ZZEF1: variants seen among roughly 807,000 people sequenced by gnomAD.
ZZEF1 encodes zinc finger ZZ-type and EF-hand domain-containing protein 1.
ZZEF1 carries 157 observed loss-of-function variants against 342.8 expected under a neutral mutation model. The ratio of observed to expected loss-of-function variants is 0.46; its 90% CI spans 0.40 to 0.52. The LOEUF (loss-of-function observed/expected upper bound fraction) is 0.52. Ranked by LOEUF, ZZEF1 falls within the 20% of genes least tolerant of loss-of-function variation. The pLI, the probability that ZZEF1 is intolerant of heterozygous loss-of-function variation, is 0.00. For missense variants in ZZEF1, 3,480 were observed against 3,725.6 expected, an observed-to-expected ratio of 0.93 and a Z score of 1.72; for synonymous variants, 1,505 against 1,429.1, an observed-to-expected ratio of 1.05 and a Z score of -1.20.
chr17:4,053,535 A>G (rs1039179282), intron 34 of ZZEF1, among the ~76,000 whole-genome samples: 3 of 152,348 alleles, frequency 2.0e-5, no homozygotes, highest in African/African-American at 7.2e-5. Context: ...ACATTCTTGT[A>G]CTGGAATAGA....
Position 4,044,266 on chromosome 17 carries a change from A to G in ZZEF1, c.6124T>C (p.Ser2042Pro), listed in dbSNP as rs753771869. ...SKDPSCQTQI[S>P]DSPADASPPT... ...GGGCTAGCATCTGCAGGTGAATCTG[A>G]AATTTGGGTCTGGCATGAAGGATCC... The change falls in exon 38 of 55, where the codon TCA becomes CCA. Residue 2042 changes from serine (S) to proline (P), a missense_variant. Around this residue, in one of 5 missense-constraint regions of ZZEF1, gnomAD observed 1,269 missense variants for 1,342.4 expected, o/e 0.95. Coordinates refer to ENST00000381638, the MANE Select transcript of ZZEF1 (RefSeq NM_015113.4). 1.9e-6 allele frequency: 3 copies of G among 1,614,038 alleles called. No individual in the cohort carries two copies. In the African/African-American group the frequency reaches 4.0e-5, roughly 22 times the overall value.
At chr17:4,057,426 TCTC>T (rs1280108787) in intron 32 of ZZEF1, among the ~76,000 whole-genome samples, 1 of 152,050 alleles carries the variant, frequency 6.6e-6, no homozygotes, top group East Asian at 1.9e-4. Flanking sequence ...CCCCTCCCCT[TCTC>T]CTCTTTTCTA....
chr17:4,033,047 A>T, intron 40 of ZZEF1, 45 bp from the exon 41 acceptor site: 1 of 1,524,004 alleles, frequency 6.6e-7, no homozygotes. Context: ...AGGGCTCCAA[A>T]CTCAACTCGT....
At position 4,087,483 on chromosome 17, in the gene ZZEF1, C is replaced by T; in HGVS notation, c.2293G>A (p.Gly765Ser). The part of the protein sequence containing the change: ...LKYKSFLDFA[G>S]LDLQIFWNFY... ...TTCCAGAAGATCTGCAAATCAAGAC[C>T]CGCGAAGTCCAGAAAAGATTTATAT... Residue 765 changes from glycine (G) to serine (S), a missense_variant, in exon 14 of 55, where the codon GGT becomes AGT. Gly to Ser is a moderately conservative substitution (Grantham distance 56). Around this residue, in one of 5 missense-constraint regions of ZZEF1, gnomAD observed 1,528 missense variants for 1,624.1 expected, o/e 0.94. Coordinates refer to ENST00000381638, the MANE Select transcript of ZZEF1 (RefSeq NM_015113.4). 6.2e-7 allele frequency: 1 copy of T among 1,611,452 alleles called. No homozygotes were observed. Among genetic ancestry groups the T allele is most frequent in the Non-Finnish European group, 8.5e-7 (1 of 1,179,394 alleles).
chr17:4,086,481 C>G lies in ZZEF1; in HGVS notation c.2512+5G>C, dbSNP rs2057827385. 2 of 1,613,856 alleles carry G rather than the reference C, an allele frequency of 1.2e-6. No individual in the cohort carries two copies. Among genetic ancestry groups the G allele is most frequent in the Admixed American group, 1.7e-5 (1 of 59,966 alleles). ...TTGTATTAAAGAGAAAACCCAAATC[C>G]CTACCATCACACAAGTGTGTGTACA... On this transcript the variant is annotated splice_donor_5th_base_variant and intron_variant, in intron 15 of 54. Coordinates refer to ENST00000381638, the MANE Select transcript of ZZEF1 (RefSeq NM_015113.4).
chr17:4,121,169 A>T (rs962996134), intron 2 of ZZEF1, among the ~76,000 whole-genome samples: 1 of 152,180 alleles, frequency 6.6e-6, no homozygotes, highest in African/African-American at 2.4e-5. Context: ...GCCCAGCACA[A>T]CAGTACACTA....
intron 38 of ZZEF1, among the ~76,000 whole-genome samples, chr17:4,043,530 G>C (rs978797721): frequency 6.6e-6 from 1 of 152,168 alleles, no homozygotes; most frequent in Non-Finnish European, 1.5e-5. Context: ...GCTGGGACTT[G>C]CCTCCAGTCT....
intron 11 of ZZEF1, among the ~76,000 whole-genome samples, chr17:4,095,566 T>TA (rs1555605108): frequency 1.3e-5 from 2 of 152,152 alleles, no homozygotes; most frequent in Non-Finnish European, 2.9e-5. Context: ...CAGGCATAGA[T>TA]AGATCATTAC....
chr17:4,096,366 T>A (rs534358080), intron 10 of ZZEF1, among the ~76,000 whole-genome samples: 90 of 151,668 alleles, frequency 5.9e-4, no homozygotes, highest in Admixed American at 2.3e-3. Flanking sequence ...AAGGTAATAT[T>A]CAATAATAAC....
At chr17:4,057,925 G>T in intron 32 of ZZEF1, 69 bp downstream of exon 32, 1 of 1,494,786 alleles carries the variant, frequency 6.7e-7, no homozygotes, top group Non-Finnish European at 9.2e-7. Context: ...TGCTCTTAAC[G>T]CCCCCACTAT....
Position 4,016,435 on chromosome 17 carries a change from T to C in ZZEF1, c.8033A>G (p.Glu2678Gly), listed in dbSNP as rs1260532286. 41 of 1,613,390 alleles carry C rather than the reference T, an allele frequency of 2.5e-5. No homozygotes were observed. Among genetic ancestry groups the C allele is most frequent in the Non-Finnish European group, 3.4e-5 (40 of 1,179,912 alleles). The change falls in exon 49 of 55, where the codon GAG (glutamate) becomes GGG (glycine). Residue 2678 changes from glutamate (E) to glycine (G), a missense_variant. Glu to Gly is a moderately conservative substitution (Grantham distance 98). Coordinates refer to ENST00000381638, the MANE Select transcript of ZZEF1 (RefSeq NM_015113.4). The surrounding 1 kb of genome is among the most constrained non-coding windows in gnomAD (Gnocchi z 4.4). ...ILQKVLQGCR[E>G]DMLGTMALAA... ...CAGGGCCATGGTCCCCAGCATGTCC[T>C]CTCGGCAGCCCTGGAGCACTTTCTG... is the stretch of plus-strand genomic sequence containing the variant.
At chr17:4,092,088 A>ATAAT (rs202163554) in intron 11 of ZZEF1, among the ~76,000 whole-genome samples, 25,956 of 144,920 alleles carry the variant, frequency 0.18, 2,502 homozygotes, top group African/African-American at 0.22. Flanking sequence ...AAAAAAAAAA[A>ATAAT]AATAATAAAA....
chr17:4,037,134 G>A lies in ZZEF1; in HGVS notation c.6307-2842C>T, dbSNP rs1471377085. Among the ~76,000 whole-genome samples the A allele has an allele frequency of 3.9e-5, 6 of 152,258 alleles. No homozygotes were observed. The East Asian group carries it at 1.2e-3, about 29-fold the overall frequency. On this transcript the variant is annotated intron_variant, in intron 39 of 54. Coordinates refer to ENST00000381638, the MANE Select transcript of ZZEF1 (RefSeq NM_015113.4). Reference sequence around the variant, plus strand: ...CTCATGGAGTAAAACAGGAAATCATGAACCCATACTGATATAACTAACTAA... The same window carrying A: ...CTCATGGAGTAAAACAGGAAATCATAAACCCATACTGATATAACTAACTAA...
At chr17:4,029,874 C>CAA (rs58293642) in intron 42 of ZZEF1, among the ~76,000 whole-genome samples, 1,982 of 81,784 alleles carry the variant, frequency 0.024, 50 homozygotes, top group African/African-American at 0.062. Context: ...AACTCCATCT[C>CAA]AAAAAAAAAA....
At chr17:4,111,846 C>A (rs1200544435) in intron 5 of ZZEF1, among the ~76,000 whole-genome samples, 1 of 144,746 alleles carries the variant, frequency 6.9e-6, no homozygotes, top group Admixed American at 7.0e-5. Flanking sequence ...TCAACCTGGG[C>A]AACACAGTGA....
intron 43 of ZZEF1, among the ~76,000 whole-genome samples, chr17:4,023,165 T>C (rs2056314344): frequency 6.6e-6 from 1 of 152,248 alleles, no homozygotes; most frequent in African/African-American, 2.4e-5. Context: ...TTTTGAGGCC[T>C]GGAGCTTGCT....
chr17:4,006,898 C>T lies in ZZEF1; in HGVS notation c.8878G>A (p.Glu2960Lys). The T allele has an allele frequency of 6.3e-7, 1 of 1,589,832 alleles. No homozygotes were observed. The highest frequency in any genetic ancestry group is 2.3e-5 in the East Asian group (1 of 44,134). ...GCACGCCCCACCAAGGGCTAACACT[C>T]CACATTCCAGAGGCGGGTGGCCTTG... ...PNKATRLWNV[E>K]C The change falls in exon 55 of 55, where the codon GAG becomes AAG. Residue 2960 changes from glutamate to lysine, a missense_variant. Physicochemically the swap from Glu to Lys is moderately conservative, Grantham distance 56. Around this residue, in one of 5 missense-constraint regions of ZZEF1, gnomAD observed 1,269 missense variants for 1,342.4 expected, o/e 0.95. Coordinates refer to ENST00000381638, the MANE Select transcript of ZZEF1 (RefSeq NM_015113.4).
chr17:4,069,602 A>C (rs2676267), intron 26 of ZZEF1, among the ~76,000 whole-genome samples: 1 of 151,572 alleles, frequency 6.6e-6, no homozygotes, highest in South Asian at 2.1e-4. Flanking sequence ...AGGCTGAGGC[A>C]GGCAGATCAC....
intron 1 of ZZEF1, among the ~76,000 whole-genome samples, chr17:4,125,370 G>T (rs2058557454): frequency 6.6e-6 from 1 of 152,096 alleles, no homozygotes; most frequent in Non-Finnish European, 1.5e-5. Flanking sequence ...ACCTACTGAG[G>T]TTTCATGACT....
Sources: gnomAD v4.1 joint callset for allele counts (sites outside exome capture counted in the v4.1 genomes callset) on GRCh38, gnomAD v4.1.1 for gene constraint, gnomAD v4.1.1 regional missense constraint, Gnocchi (gnomAD v3.1) non-coding constraint, MANE v1.5 for transcripts, NCBI Gene and HGNC (gene_info 2026-07-23, HGNC 2026-07-21) for gene names.